Variants in NUP210L observed in about 807,000 individuals in gnomAD.
The protein encoded by NUP210L is nuclear pore membrane glycoprotein 210-like.
In NUP210L, 74 loss-of-function variants were observed where a neutral mutation model predicts 208.5. That is an observed-to-expected ratio of 0.35 (90% CI 0.29 to 0.43). The LOEUF (loss-of-function observed/expected upper bound fraction) is 0.43, where lower values mean the gene tolerates loss of function less well. Ranked by LOEUF, NUP210L falls within the 20% of genes least tolerant of loss-of-function variation. The pLI is 1.00. For synonymous variants in NUP210L, 780 were observed against 816.9 expected (o/e 0.95, Z 0.77); for missense variants, 1,843 against 2,289.4 (o/e 0.81, Z 3.98).
intron 7 of NUP210L, among the ~76,000 whole-genome samples, chr1:154,129,550 A>G (rs904910219): frequency 6.6e-6 from 1 of 152,242 alleles, no homozygotes; most frequent in Non-Finnish European, 1.5e-5. Context: ...TGAGTCAGAT[A>G]TTCTTGAATT....
At chr1:154,029,584 G>A (rs1443390918) in intron 28 of NUP210L, among the ~76,000 whole-genome samples, 1 of 151,830 alleles carries the variant, frequency 6.6e-6, no homozygotes, top group African/African-American at 2.4e-5. Context: ...ATGCTACTCG[G>A]GAGGCTGAGG....
intron 27 of NUP210L, among the ~76,000 whole-genome samples, chr1:154,030,533 A>T (rs1045127735): frequency 6.6e-6 from 1 of 152,004 alleles, no homozygotes; most frequent in Admixed American, 6.6e-5. Flanking sequence ...CGTGGCCTCA[A>T]GCGATCTGCC....
At position 154,085,380 on chromosome 1, in the gene NUP210L, G is replaced by T. The variant is rs1049374212; in HGVS notation, c.2361+4041C>A. On this transcript the variant is annotated intron_variant, in intron 16 of 39. Transcript: ENST00000368559. ...AAATAAATAAATAAAATAAAATAAA[G>T]AAAAAATTCCAATTATGATAGCATC... Among the ~76,000 whole-genome samples the T allele has an allele frequency of 7.3e-5, 11 of 151,162 alleles. No individual in the cohort carries two copies. In the South Asian group the frequency reaches 8.4e-4, roughly 11 times the overall value.
At chr1:154,009,804 A>AG (rs1272357435) in intron 35 of NUP210L, among the ~76,000 whole-genome samples, 168 bp downstream of exon 35, 2 of 151,778 alleles carry the variant, frequency 1.3e-5, no homozygotes, top group Non-Finnish European at 2.9e-5. Context: ...AAAAAAAAAA[A>AG]AAAAAGAAAA....
intron 35 of NUP210L, among the ~76,000 whole-genome samples, chr1:154,005,084 C>T (rs1031961500): frequency 1.3e-5 from 2 of 151,748 alleles, no homozygotes; most frequent in Admixed American, 1.3e-4. Flanking sequence ...AACTCCTGAC[C>T]TTGTGATCCA....
chr1:154,024,974 T>A (rs951969693), intron 30 of NUP210L, among the ~76,000 whole-genome samples: 1 of 138,012 alleles, frequency 7.2e-6, no homozygotes, highest in Non-Finnish European at 1.5e-5. Flanking sequence ...GTCGCCCAGG[T>A]TGGAGTGCAG....
chr1:154,099,377 G>T (rs1165215292), intron 14 of NUP210L, among the ~76,000 whole-genome samples: 3 of 152,124 alleles, frequency 2.0e-5, no homozygotes, highest in African/African-American at 7.2e-5. Flanking sequence ...GTTCCAAACG[G>T]CTCCACGGAG....
intron 12 of NUP210L, among the ~76,000 whole-genome samples, chr1:154,106,128 G>A (rs1388446885): frequency 1.3e-5 from 2 of 152,046 alleles, no homozygotes; most frequent in Non-Finnish European, 2.9e-5. Context: ...GGGCGTGGTG[G>A]TGCATGCCTG....
intron 27 of NUP210L, among the ~76,000 whole-genome samples, chr1:154,036,462 T>A (rs1652557224): frequency 6.7e-6 from 1 of 150,084 alleles, no homozygotes. Flanking sequence ...CTTCCTGGAT[T>A]CAAGCAAGTC....
chr1:154,096,633 G>A (rs1185657491), intron 14 of NUP210L, among the ~76,000 whole-genome samples: 3 of 151,732 alleles, frequency 2.0e-5, no homozygotes, highest in South Asian at 2.1e-4. Context: ...GGTGGTGCAC[G>A]CCTGTAATCC....
At chr1:154,080,682 C>CAAATAAAT (rs543606840) in intron 16 of NUP210L, among the ~76,000 whole-genome samples, 2 of 150,412 alleles carry the variant, frequency 1.3e-5, no homozygotes, top group South Asian at 4.2e-4. Context: ...GAGACCATCT[C>CAAATAAAT]AAATAAATAA....
chr1:154,003,053 C>T (rs1650311062), intron 35 of NUP210L, among the ~76,000 whole-genome samples: 2 of 150,418 alleles, frequency 1.3e-5, no homozygotes, highest in Admixed American at 6.6e-5. Context: ...CACTGTTGCC[C>T]AGGCTGGAGT....
intron 4 of NUP210L, 41 bp from the exon 5 acceptor site, chr1:154,139,993 C>G (rs771882756): frequency 2.0e-6 from 3 of 1,509,650 alleles, no homozygotes; most frequent in African/African-American, 1.4e-5. Context: ...CAGAATTAAA[C>G]GAAGGGTTCT....
chr1:154,107,481 A>G (rs1237550267), intron 12 of NUP210L, among the ~76,000 whole-genome samples: 1 of 151,546 alleles, frequency 6.6e-6, no homozygotes, highest in Non-Finnish European at 1.5e-5. Context: ...CTCAAAAAAA[A>G]AAAAAAAACT....
intron 12 of NUP210L, among the ~76,000 whole-genome samples, chr1:154,115,787 A>G (rs1657288233): frequency 6.6e-6 from 1 of 152,008 alleles, no homozygotes; most frequent in Non-Finnish European, 1.5e-5. Context: ...AGTGATGGCA[A>G]ACTATTAAGT....
chr1:154,010,071 C>G, exon 35 of NUP210L: 1 of 1,613,984 alleles, frequency 6.2e-7, no homozygotes, highest in Non-Finnish European at 8.5e-7. Context: ...ATGAGGGTCG[C>G]TGGAAGAAGT....
rs781560337 is a variant in NUP210L, at chr1:154,095,205, A to G, written c.1966-49T>C. On this transcript the variant is annotated intron_variant, in intron 14 of 39. Transcript: ENST00000368559. ...TTCCTGATAGGTTAGGGAATTCAAT[A>G]ATTTTCTAAAGTGAAACACTAGTTA... The G allele has an allele frequency of 5.0e-6, 7 of 1,402,260 alleles. No individual in the cohort carries two copies. The Admixed American group carries it at 9.0e-5, about 18-fold the overall frequency. 86.9% of individuals were successfully genotyped at this position (1,402,260 alleles called of 1,614,324 possible).
chr1:154,152,802 C>T (rs756050145), exon 2 of NUP210L: 1 of 1,613,936 alleles, frequency 6.2e-7, no homozygotes, highest in Non-Finnish European at 8.5e-7. Context: ...ATGAGTACAG[C>T]TTTTTGGGAA....
chr1:154,042,642 ATGGTCTTGATCTCC>A (rs1244496189), intron 27 of NUP210L, among the ~76,000 whole-genome samples: 1 of 146,560 alleles, frequency 6.8e-6, no homozygotes, highest in African/African-American at 2.6e-5. Flanking sequence ...GTTAGCCAGG[ATGGTCTTGATCTCC>A]TGACCTCCTG....
Sources: gnomAD v4.1 joint callset for allele counts (sites outside exome capture counted in the v4.1 genomes callset) on GRCh38, gnomAD v4.1.1 for gene constraint, MANE v1.5 for transcripts, NCBI Gene and HGNC (gene_info 2026-07-23, HGNC 2026-07-21) for gene names.